The following CEP85L variants were observed in gnomAD, a reference collection of about 807,000 sequenced individuals.
CEP85L encodes the protein centrosomal protein 85L, also known as centrosomal protein of 85 kDa-like.
Under a neutral mutation model 100.3 loss-of-function variants are expected in CEP85L, and 60 were observed. The observed-to-expected ratio is 0.60, with a 90% CI of 0.49 to 0.74. The LOEUF (loss-of-function observed/expected upper bound fraction) is 0.74. CEP85L is among the 30% of genes least tolerant of loss of function. CEP85L has a pLI of 0.00. For missense variants in CEP85L, 973 were observed against 936.2 expected (o/e 1.04, Z -0.51); for synonymous variants, 319 against 322.7 (o/e 0.99, Z 0.12).
intron 3 of CEP85L, among the ~76,000 whole-genome samples, chr6:118,554,242 G>A (rs1401549468): frequency 6.6e-6 from 1 of 152,086 alleles, no homozygotes; most frequent in African/African-American, 2.4e-5. Context: ...AGCCACGATT[G>A]CACAACTGCA....
At chr6:118,577,400 TA>T (rs1328958393) in intron 2 of CEP85L, among the ~76,000 whole-genome samples, 5 of 152,168 alleles carry the variant, frequency 3.3e-5, no homozygotes, top group African/African-American at 1.2e-4. Flanking sequence ...AAAAAAGAAG[TA>T]CCCCCCACGG....
At chr6:118,641,310 A>G (rs1401776189) in intron 1 of CEP85L, among the ~76,000 whole-genome samples, 2 of 152,230 alleles carry the variant, frequency 1.3e-5, no homozygotes, top group African/African-American at 2.4e-5. Context: ...GAGATTAAGC[A>G]TAAGCTTTCT....
intron 2 of CEP85L, among the ~76,000 whole-genome samples, chr6:118,572,725 C>A: frequency 6.6e-6 from 1 of 152,148 alleles, no homozygotes; most frequent in East Asian, 1.9e-4. Context: ...ATGTACAAGG[C>A]ATTATGCTAG....
chr6:118,650,907 T>C (rs1215170161), intron 1 of CEP85L, among the ~76,000 whole-genome samples: 1 of 151,984 alleles, frequency 6.6e-6, no homozygotes, highest in Non-Finnish European at 1.5e-5. Flanking sequence ...GGGCAGACAA[T>C]AAAGCCCAAC....
At chr6:118,639,966 T>C (rs997703617) in intron 1 of CEP85L, among the ~76,000 whole-genome samples, 3 of 152,226 alleles carry the variant, frequency 2.0e-5, no homozygotes, top group African/African-American at 7.2e-5. Context: ...CATTTAAGTA[T>C]CTATTTAGAG....
chr6:118,496,421 T>C (rs534237793), intron 5 of CEP85L, among the ~76,000 whole-genome samples: 7 of 127,976 alleles, frequency 5.5e-5, no homozygotes, highest in African/African-American at 1.7e-4. Context: ...AATGGCACGA[T>C]CTCGGCTCCT....
chr6:118,513,606 G>A (rs1359597631), intron 4 of CEP85L, among the ~76,000 whole-genome samples: 2 of 151,874 alleles, frequency 1.3e-5, no homozygotes, highest in East Asian at 3.9e-4. Flanking sequence ...GAAAAAATTT[G>A]AAAACAACAC....
intron 2 of CEP85L, among the ~76,000 whole-genome samples, chr6:118,584,871 G>T (rs1780769433): frequency 6.6e-6 from 1 of 152,234 alleles, no homozygotes; most frequent in African/African-American, 2.4e-5. Flanking sequence ...ATCAGGCCCT[G>T]CTGTTAAAGG....
At chr6:118,580,039 A>G (rs1416811290) in intron 2 of CEP85L, among the ~76,000 whole-genome samples, 1 of 152,202 alleles carries the variant, frequency 6.6e-6, no homozygotes, top group East Asian at 1.9e-4. Flanking sequence ...TGTGGGCTAC[A>G]TGAATGACAT....
At chr6:118,573,809 C>T (rs1408772910) in intron 2 of CEP85L, among the ~76,000 whole-genome samples, 2 of 152,116 alleles carry the variant, frequency 1.3e-5, no homozygotes. Flanking sequence ...AGTTAGACCC[C>T]TATTTCATAG....
At chr6:118,699,315 C>T (rs1777334752) in intron 1 of CEP85L, among the ~76,000 whole-genome samples, 2 of 151,834 alleles carry the variant, frequency 1.3e-5, no homozygotes, top group African/African-American at 4.8e-5. Context: ...ATTAGCCGAG[C>T]ATGGTGGCAC....
intron 4 of CEP85L, among the ~76,000 whole-genome samples, chr6:118,522,231 A>G (rs369228032): frequency 2.6e-5 from 4 of 152,224 alleles, no homozygotes; most frequent in Admixed American, 6.5e-5. Flanking sequence ...GTGACGGCGC[A>G]TGGCTGTAAT....
chr6:118,558,235 G>A (rs1224975288), intron 3 of CEP85L, among the ~76,000 whole-genome samples: 1 of 152,186 alleles, frequency 6.6e-6, no homozygotes. Context: ...ACAGGCATGA[G>A]CCACTGCACC....
At chr6:118,669,819 G>A (rs1394152408) in intron 1 of CEP85L, among the ~76,000 whole-genome samples, 1 of 151,686 alleles carries the variant, frequency 6.6e-6, no homozygotes, top group East Asian at 1.9e-4. Flanking sequence ...AGATGATAGA[G>A]AGGAAAGTTA....
At chr6:118,545,555 C>T (rs1017904877) in intron 3 of CEP85L, among the ~76,000 whole-genome samples, 10 of 152,046 alleles carry the variant, frequency 6.6e-5, no homozygotes, top group African/African-American at 2.4e-4. Flanking sequence ...ACCATTCACT[C>T]GGGGCTGAGT....
chr6:118,640,871 T>A (rs1316231417), intron 1 of CEP85L, among the ~76,000 whole-genome samples: 1 of 152,156 alleles, frequency 6.6e-6, no homozygotes, highest in East Asian at 1.9e-4. Flanking sequence ...AATTAGGATC[T>A]CAATAAATGT....
At chr6:118,466,871 T>C (rs142650461) in intron 12 of CEP85L, among the ~76,000 whole-genome samples, 14 of 152,108 alleles carry the variant, frequency 9.2e-5, no homozygotes, top group South Asian at 2.1e-4. Flanking sequence ...TATGAAAACT[T>C]AAATTAAGGC....
intron 3 of CEP85L, chr6:118,560,802 TG>T (rs1447429324): frequency 1.9e-5 from 3 of 155,276 alleles, no homozygotes; most frequent in African/African-American, 7.2e-5. Context: ...AATTGAGTGC[TG>T]GAAAATATAT....
chr6:118,608,708 T>A (rs1252457191), intron 2 of CEP85L, among the ~76,000 whole-genome samples: 1 of 152,178 alleles, frequency 6.6e-6, no homozygotes, highest in Non-Finnish European at 1.5e-5. Flanking sequence ...GCATGTGTTT[T>A]AAAAAAGTAC....
Sources: gnomAD v4.1 joint callset for allele counts (sites outside exome capture counted in the v4.1 genomes callset) on GRCh38, gnomAD v4.1.1 for gene constraint, MANE v1.5 for transcripts, NCBI Gene and HGNC (gene_info 2026-07-23, HGNC 2026-07-21) for gene names.